NYAP2: variants seen among roughly 807,000 people sequenced by gnomAD.
The protein encoded by NYAP2 is neuronal tyrosine-phosphorylated phosphoinositide-3-kinase adapter 2.
In NYAP2, 23 loss-of-function variants were observed where a neutral mutation model predicts 50.4. The observed-to-expected ratio is 0.46, with a 90% confidence interval of 0.33 to 0.65. NYAP2 has a LOEUF of 0.65. NYAP2 is among the 30% of genes least tolerant of loss of function. NYAP2 has a pLI of 0.02. For synonymous variants in NYAP2, 394 were observed against 365.2 expected (o/e 1.08, Z -0.90); for missense variants, 885 against 861.0 (o/e 1.03, Z -0.35).
intron 3 of NYAP2, among the ~76,000 whole-genome samples, chr2:225,442,580 T>C (rs1330340619): frequency 6.6e-6 from 1 of 152,122 alleles, no homozygotes; most frequent in African/African-American, 2.4e-5. Flanking sequence ...ATTTTATTAA[T>C]TAATTTATTT....
intron 5 of NYAP2, among the ~76,000 whole-genome samples, chr2:225,600,129 C>T (rs1216625713): frequency 6.6e-6 from 1 of 152,044 alleles, no homozygotes; most frequent in Non-Finnish European, 1.5e-5. Context: ...TTCAGGATAA[C>T]TTGGTGGGTG....
At chr2:225,607,162 A>AT (rs1161223808) in intron 5 of NYAP2, among the ~76,000 whole-genome samples, 2 of 151,964 alleles carry the variant, frequency 1.3e-5, no homozygotes, top group African/African-American at 2.4e-5. Flanking sequence ...CCTTTCATTT[A>AT]TTTTTTCCCC....
intron 3 of NYAP2, among the ~76,000 whole-genome samples, chr2:225,429,488 A>G (rs1695333305): frequency 6.6e-6 from 1 of 152,246 alleles, no homozygotes; most frequent in African/African-American, 2.4e-5. Context: ...GCATGGGAAT[A>G]TTTTGAAGAA....
rs190358205 is a variant in NYAP2, at chr2:225,625,594, A to T, written c.1619-1323A>T. 9.1e-4 allele frequency among the ~76,000 whole-genome samples: 139 copies of T among 152,164 alleles called. 6 individuals are homozygous for T. The South Asian group carries it at 0.028, about 31-fold the overall frequency. Reference sequence around the variant, plus strand: ...CACAAGACATAAGGGCATTCAAAGGAGGGGTGGTAATAGCTGTAGAAAACA... The same window carrying T: ...CACAAGACATAAGGGCATTCAAAGGTGGGGTGGTAATAGCTGTAGAAAACA... On this transcript the variant is annotated intron_variant, in intron 5 of 6. Transcript: ENST00000636099.
At chr2:225,605,480 C>A (rs967561056) in intron 5 of NYAP2, among the ~76,000 whole-genome samples, 1 of 152,084 alleles carries the variant, frequency 6.6e-6, no homozygotes, top group Admixed American at 6.6e-5. Context: ...GATTATCTTT[C>A]TTAATCTGCT....
Position 225,470,827 on chromosome 2 carries a change from A to G in NYAP2, c.222-42544A>G, listed in dbSNP as rs79658541. Among the ~76,000 whole-genome samples, 995 of 137,140 alleles carry G rather than the reference A, an allele frequency of 7.3e-3. 6 individuals are homozygous for G. Among genetic ancestry groups the G allele is most frequent in the Middle Eastern group, 0.035 (9 of 254 alleles). 90.0% of individuals were successfully genotyped at this position (137,140 alleles called of 152,430 possible). On this transcript the variant is annotated intron_variant, in intron 3 of 6. Coordinates refer to ENST00000636099, the Ensembl canonical transcript of NYAP2. ...TGTATGTATATGTGTGTGTGTGTGT[A>G]TATATATTGAGATGGGGTCTCTCTA...
chr2:225,675,024 T>C, the NYAP2 span, among the ~76,000 whole-genome samples: 4,243 of 152,252 alleles, frequency 0.028, 226 homozygotes, highest in African/African-American at 0.096. Context: ...TTATCCATTA[T>C]TACCTTCTCA....
At chr2:225,546,391 A>G (rs1177029711) in intron 4 of NYAP2, among the ~76,000 whole-genome samples, 1 of 152,108 alleles carries the variant, frequency 6.6e-6, no homozygotes, top group Admixed American at 6.6e-5. Flanking sequence ...CTGGCACTCA[A>G]ACCATGAGAG....
intron 4 of NYAP2, among the ~76,000 whole-genome samples, chr2:225,515,237 A>T (rs1230510910): frequency 6.6e-6 from 1 of 152,242 alleles, no homozygotes; most frequent in Non-Finnish European, 1.5e-5. Flanking sequence ...AAGACACACA[A>T]ATGAATAATA....
At chr2:225,644,106 T>C (rs1693584622) in intron 6 of NYAP2, among the ~76,000 whole-genome samples, 1 of 151,500 alleles carries the variant, frequency 6.6e-6, no homozygotes, top group South Asian at 2.1e-4. Flanking sequence ...CCAGCACCTG[T>C]TGTTTCCTGA....
At chr2:225,579,094 GGAGA>G (rs34026452) in intron 4 of NYAP2, among the ~76,000 whole-genome samples, 113 of 147,394 alleles carry the variant, frequency 7.7e-4, no homozygotes, top group East Asian at 3.4e-3. Flanking sequence ...AGAAGAGAGG[GGAGA>G]GAGAGAGAGA....
intron 4 of NYAP2, among the ~76,000 whole-genome samples, chr2:225,571,613 C>T (rs1216192280): frequency 6.6e-6 from 1 of 152,188 alleles, no homozygotes; most frequent in Non-Finnish European, 1.5e-5. Context: ...GGATGCAGGG[C>T]ACCATATCCT....
At chr2:225,495,392 G>C (rs761195474) in intron 3 of NYAP2, among the ~76,000 whole-genome samples, 5 of 152,126 alleles carry the variant, frequency 3.3e-5, no homozygotes, top group Non-Finnish European at 5.9e-5. Context: ...GAGATTTAAA[G>C]AAATGGAAAG....
intron 5 of NYAP2, among the ~76,000 whole-genome samples, chr2:225,591,068 A>G (rs1692493071): frequency 6.6e-6 from 1 of 152,192 alleles, no homozygotes; most frequent in Non-Finnish European, 1.5e-5. Context: ...TCAGAAGTCC[A>G]TCCAGATGAG....
At chr2:225,528,864 A>T (rs774688007) in intron 4 of NYAP2, among the ~76,000 whole-genome samples, 6 of 152,192 alleles carry the variant, frequency 3.9e-5, no homozygotes, top group Non-Finnish European at 8.8e-5. Flanking sequence ...GATGTTCCCA[A>T]GTTATACAAT....
chr2:225,667,215 G>A, the NYAP2 span, among the ~76,000 whole-genome samples: 1 of 152,152 alleles, frequency 6.6e-6, no homozygotes, highest in South Asian at 2.1e-4. Flanking sequence ...GTTTGAAGAT[G>A]GTTGATATGA....
chr2:225,558,199 T>C (rs1691810686), intron 4 of NYAP2, among the ~76,000 whole-genome samples: 1 of 152,270 alleles, frequency 6.6e-6, no homozygotes, highest in East Asian at 1.9e-4. Flanking sequence ...ATTTCCAACC[T>C]TAGCTTCATA....
intron 4 of NYAP2, among the ~76,000 whole-genome samples, chr2:225,568,859 T>TA (rs1692008982): frequency 6.6e-6 from 1 of 152,122 alleles, no homozygotes; most frequent in East Asian, 1.9e-4. Context: ...GTATAGGAGA[T>TA]ATAGAGGTTG....
At chr2:225,624,571 C>T (rs560357785) in intron 5 of NYAP2, among the ~76,000 whole-genome samples, 22 of 152,180 alleles carry the variant, frequency 1.4e-4, no homozygotes, top group Non-Finnish European at 2.9e-4. Context: ...GGTTGACTTC[C>T]CAAGCTAGTT....
Sources: allele counts gnomAD v4.1 joint callset (sites outside exome capture counted in the v4.1 genomes callset), GRCh38; gene constraint gnomAD v4.1.1; transcripts MANE v1.5; gene names NCBI Gene and HGNC (gene_info 2026-07-23, HGNC 2026-07-21).